Variants in SH3BP2 observed in about 807,000 individuals in gnomAD.
SH3BP2 encodes the protein SH3 domain binding protein 2.
SH3BP2 carries 38 observed loss-of-function variants against 56.2 expected under a neutral mutation model. That is an observed-to-expected ratio of 0.68 (90% CI 0.52 to 0.89). The LOEUF (loss-of-function observed/expected upper bound fraction) is 0.89, where lower values mean the gene tolerates loss of function less well. Among genes scored for constraint, SH3BP2 ranks in the 40% least tolerant of loss-of-function variants. The pLI, the probability that SH3BP2 is intolerant of heterozygous loss-of-function variation, is 0.00. For synonymous variants in SH3BP2, 346 were observed against 316.7 expected, an observed-to-expected ratio of 1.09 and a Z score of -0.98; for missense variants, 748 against 762.6, an observed-to-expected ratio of 0.98 and a Z score of 0.23.
chr4:2,800,758 C>T (rs1373541149), intron 1 of SH3BP2, among the ~76,000 whole-genome samples: 4 of 152,154 alleles, frequency 2.6e-5, no homozygotes, highest in African/African-American at 9.7e-5. Flanking sequence ...GCCTGGAGCG[C>T]CATCCCCAGG....
At chr4:2,816,501 A>G (rs915401624) in intron 1 of SH3BP2, among the ~76,000 whole-genome samples, 4 of 152,228 alleles carry the variant, frequency 2.6e-5, no homozygotes, top group Admixed American at 2.0e-4. Flanking sequence ...ATAGAAGTAG[A>G]GCAGACATCC....
rs1411324593 is a variant in SH3BP2, at chr4:2,810,498, T to A, written c.-4-10116T>A. On this transcript the variant is annotated intron_variant, in intron 1 of 12. Coordinates refer to ENST00000503393, the MANE Select transcript of SH3BP2 (RefSeq NM_001122681.2). This position sits in a 1 kb window ranked among gnomAD's most constrained non-coding sequence, Gnocchi z 4.2. ...GCTCAGGCCTTGTCCGCTCTTGCAT[T>A]TGCCTGCCCAGTAAGGGGTGGCGTG... Among the ~76,000 whole-genome samples, 1 of 151,818 alleles carries A rather than the reference T, an allele frequency of 6.6e-6. No homozygotes were observed. Among genetic ancestry groups the A allele is most frequent in the African/African-American group, 2.4e-5 (1 of 41,324 alleles).
In SH3BP2 at chr4:2,829,745, C is replaced by A. The variant is rs1724873015; in HGVS notation, c.839C>A (p.Pro280His). ...GCTACCCCCCGAAGGATGAGCGATCCCCCTCTGAGCACCATGCCCACCGCA... is the reference window on the plus strand; with the variant it reads ...GCTACCCCCCGAAGGATGAGCGATCACCCTCTGAGCACCATGCCCACCGCA... Reference protein sequence around the residue: ...VPATPRRMSDPPLSTMPTAPG... With the variant: ...VPATPRRMSDHPLSTMPTAPG... The change falls in exon 8 of 13, where the codon CCC becomes CAC. Residue 280 changes from proline to histidine, a missense_variant. Physicochemically the swap from Pro to His is moderately conservative, Grantham distance 77 (BLOSUM62 -2). Transcript: ENST00000503393. This position sits in a 1 kb window ranked among gnomAD's most constrained non-coding sequence, Gnocchi z 4.9. 1 of 1,612,804 alleles carries A rather than the reference C, an allele frequency of 6.2e-7. No homozygotes were observed. The highest frequency in any genetic ancestry group is 8.5e-7 in the Non-Finnish European group (1 of 1,179,836).
intron 1 of SH3BP2, among the ~76,000 whole-genome samples, chr4:2,794,436 C>T (rs896589882): frequency 1.3e-5 from 2 of 150,416 alleles, no homozygotes; most frequent in African/African-American, 2.5e-5. Context: ...AACCTCAGGG[C>T]CCCACTCCAG....
Position 2,840,448 on chromosome 4 carries a change from G to A in SH3BP2, c.*6614G>A, listed in dbSNP as rs1423221763. On this transcript the variant is annotated 3_prime_UTR_variant, in exon 13 of 13. Transcript: ENST00000503393. ...AGGGTTACACACCTGTCCTATCATT[G>A]TTTGTAATCTAACTTTCTGCGCCCA... 1 of 151,890 alleles carries A rather than the reference G, an allele frequency of 6.6e-6. No homozygotes were observed. The highest frequency in any genetic ancestry group is 1.5e-5 in the Non-Finnish European group (1 of 67,986). The allele number at this position is 151,890 out of a possible 1,614,324, so 9.4% of individuals were successfully genotyped here. A position where few individuals can be genotyped will look rare whatever the true frequency, so the allele number is the denominator to read the frequency against.
rs1278793598 is a variant in SH3BP2 at position 2,839,326 on chromosome 4, G to A, written c.*5492G>A. On this transcript the variant is annotated 3_prime_UTR_variant, in exon 13 of 13. Coordinates refer to ENST00000503393, the MANE Select transcript of SH3BP2 (RefSeq NM_001122681.2). ...TGGGACCACAGGCCCACACCACCAA[G>A]CCCAGCTAATTTTTTGTATTTTTAA... The A allele has an allele frequency of 6.6e-6, 1 of 151,744 alleles. No homozygotes were observed. The highest frequency in any genetic ancestry group is 2.4e-5 in the African/African-American group (1 of 41,268). The allele number at this position is 151,744 out of a possible 1,614,324, so 9.4% of individuals were successfully genotyped here.
intron 1 of SH3BP2, among the ~76,000 whole-genome samples, chr4:2,801,149 G>A (rs141712089): frequency 1.3e-5 from 2 of 151,520 alleles, no homozygotes; most frequent in Admixed American, 6.6e-5. Context: ...GGTGCAGAGA[G>A]GCTGCGGCAG....
chr4:2,825,325 G>A, intron 5 of SH3BP2, 129 bp downstream of exon 5: 1 of 756,200 alleles, frequency 1.3e-6, no homozygotes, highest in Non-Finnish European at 2.3e-6. Flanking sequence ...GGAGGTGCCA[G>A]CTGGGCTGCG....
At chr4:2,809,378 TCA>T (rs1723655804) in intron 1 of SH3BP2, among the ~76,000 whole-genome samples, 1 of 138,752 alleles carries the variant, frequency 7.2e-6, no homozygotes, top group Non-Finnish European at 1.5e-5. Context: ...TCCTCTGGGC[TCA>T]GTGTCCACCT....
At chr4:2,825,314 T>TGGA in intron 5 of SH3BP2, 118 bp downstream of exon 5, 1 of 826,852 alleles carries the variant, frequency 1.2e-6, no homozygotes, top group South Asian at 1.5e-5. Context: ...AAAGGTTTCC[T>TGGA]GGAGGTGCCA....
In SH3BP2 at chr4:2,830,104, G is replaced by A. The variant is rs768146888; in HGVS notation, c.1198G>A (p.Ala400Thr). 7.1e-5 allele frequency: 114 copies of A among 1,605,766 alleles called. 2 individuals carry two copies. Among genetic ancestry groups the A allele is most frequent in the South Asian group, 5.2e-4 (47 of 90,950 alleles). Residue 400 changes from alanine to threonine, a missense_variant, in exon 8 of 13, where the codon GCA becomes ACA. Coordinates refer to ENST00000503393, the MANE Select transcript of SH3BP2 (RefSeq NM_001122681.2). ...AGTGCCTGAGGCCATGGCGCGGCCC[G>A]CAGTCCTGCCCAGGCCAGAGAAGCC... is the stretch of plus-strand genomic sequence containing the variant. ...LPVPEAMARP[A>T]VLPRPEKPQL...
intron 1 of SH3BP2, among the ~76,000 whole-genome samples, chr4:2,800,904 T>C (rs1287994997): frequency 6.6e-6 from 1 of 152,064 alleles, no homozygotes; most frequent in Non-Finnish European, 1.5e-5. Flanking sequence ...AGGGCATGGG[T>C]GGCCTTGAGC....
intron 1 of SH3BP2, chr4:2,818,662 C>CG (rs1724131104): frequency 2.1e-6 from 2 of 972,274 alleles, no homozygotes; most frequent in Non-Finnish European, 2.5e-6. Flanking sequence ...GGGGCTCCTT[C>CG]GGGCCGGGCG....
chr4:2,803,952 G>C (rs895149901), intron 1 of SH3BP2, among the ~76,000 whole-genome samples: 12 of 152,176 alleles, frequency 7.9e-5, no homozygotes, highest in Admixed American at 7.2e-4. Context: ...TGTGGCGTTT[G>C]CCTGTAGGTG....
intron 1 of SH3BP2, among the ~76,000 whole-genome samples, chr4:2,813,827 G>A (rs576192631): frequency 1.6e-4 from 25 of 152,326 alleles, no homozygotes; most frequent in African/African-American, 5.8e-4. Context: ...GAATGAGTGT[G>A]TATATATGTG....
intron 1 of SH3BP2, among the ~76,000 whole-genome samples, chr4:2,802,673 GTA>G (rs994383255): frequency 2.6e-4 from 35 of 135,418 alleles, no homozygotes; most frequent in East Asian, 1.2e-3. Context: ...GTGTGTGTGT[GTA>G]TATATATATG....
In SH3BP2 at chr4:2,802,544, GTA is replaced by G. The variant is rs35988257; in HGVS notation, c.-5+9414_-5+9415del. ...TATATATATATGTATGTGTGTGTGT[GTA>G]TATATATGTGTATATATGTATATAT... On this transcript the variant is annotated intron_variant, in intron 1 of 12. Transcript: ENST00000503393. 5.5e-5 allele frequency among the ~76,000 whole-genome samples: 7 copies of G among 128,018 alleles called. 1 individual carries two copies. The South Asian group carries it at 1.2e-3, about 22-fold the overall frequency. 84.0% of individuals were successfully genotyped at this position (128,018 alleles called of 152,430 possible).
rs1172008192 is a variant in SH3BP2 at position 2,833,722 on chromosome 4, A to G, written c.1574A>G (p.Glu525Gly). The G allele has an allele frequency of 6.8e-6, 11 of 1,610,420 alleles. No individual in the cohort carries two copies. Among genetic ancestry groups the G allele is most frequent in the Admixed American group, 3.4e-5 (2 of 59,696 alleles). Residue 525 changes from glutamate to glycine, a missense_variant, in exon 13 of 13, where the codon GAG (glutamate) becomes GGG (glycine). Transcript: ENST00000503393. ...GACTCTAAGTTCTACCTGGAGGGCG[A>G]GGTCCTGTTTGTGAGTGTGGGCAGC... ...EKDSKFYLEG[E>G]VLFVSVGSMV...
At chr4:2,809,470 C>T (rs1723659521) in intron 1 of SH3BP2, among the ~76,000 whole-genome samples, 1 of 152,120 alleles carries the variant, frequency 6.6e-6, no homozygotes, top group Non-Finnish European at 1.5e-5. Context: ...TTGGCATGTT[C>T]AGCACCTGAG....
Sources: gnomAD v4.1 joint callset for allele counts (sites outside exome capture counted in the v4.1 genomes callset) on GRCh38, gnomAD v4.1.1 for gene constraint, Gnocchi (gnomAD v3.1) non-coding constraint, MANE v1.5 for transcripts, NCBI Gene and HGNC (gene_info 2026-07-23, HGNC 2026-07-21) for gene names.